ZNF560: variants seen among roughly 807,000 people sequenced by gnomAD.
ZNF560 encodes the protein zinc finger protein 560.
A neutral mutation model predicts 81.8 loss-of-function variants in ZNF560; 54 were observed. The observed-to-expected ratio is 0.66, with a 90% CI of 0.53 to 0.83. The LOEUF is 0.83. Ranked by LOEUF, ZNF560 falls within the 40% of genes least tolerant of loss-of-function variation. The pLI is 0.00. For missense variants in ZNF560, 940 were observed against 932.4 expected, an observed-to-expected ratio of 1.01 and a Z score of -0.11; for synonymous variants, 321 against 317.9, an observed-to-expected ratio of 1.01 and a Z score of -0.10.
chr19:9,456,763 C>A, the ZNF560 span, among the ~76,000 whole-genome samples: 23 of 152,184 alleles, frequency 1.5e-4, no homozygotes, highest in African/African-American at 5.6e-4. Context: ...GACTATTCAA[C>A]CAATTATAAC....
intron 2 of ZNF560, among the ~76,000 whole-genome samples, chr19:9,487,855 T>C (rs1268915909): frequency 6.6e-6 from 1 of 152,156 alleles, no homozygotes; most frequent in African/African-American, 2.4e-5. Context: ...ATATGAATTT[T>C]TTAAAATGTA....
intron 5 of ZNF560, among the ~76,000 whole-genome samples, chr19:9,471,830 G>C (rs573564537): frequency 2.0e-5 from 3 of 152,246 alleles, no homozygotes; most frequent in African/African-American, 7.2e-5. Context: ...CCCTCAGAGG[G>C]CTGGGTGTGG....
chr19:9,486,329 C>T (rs2073384297), intron 2 of ZNF560, among the ~76,000 whole-genome samples: 1 of 152,222 alleles, frequency 6.6e-6, no homozygotes, highest in African/African-American at 2.4e-5. Context: ...CACAGCAATA[C>T]ACATAAACTC....
In ZNF560 at chr19:9,467,713, C is replaced by G; in HGVS notation, c.1234G>C (p.Ala412Pro). The change falls in exon 10 of 10, where the codon GCC (alanine) becomes CCC (proline). Residue 412 changes from alanine (A) to proline (P), a missense_variant. Coordinates refer to ENST00000301480, the MANE Select transcript of ZNF560 (RefSeq NM_152476.3). ...ATAAGGCCTGCAGATGTACCAAAGG[C>G]TTTACCACATTCCTTACACCCATAG... ...KPYGCKECGK[A>P]FGTSAGLIEH... The G allele has an allele frequency of 6.2e-7, 1 of 1,613,990 alleles. No individual in the cohort carries two copies.
chr19:9,455,649 A>T, the ZNF560 span, among the ~76,000 whole-genome samples: 7,351 of 152,270 alleles, frequency 0.048, 614 homozygotes, highest in African/African-American at 0.17. Flanking sequence ...GGAGTCTCTT[A>T]AAAAGGTGAT....
At chr19:9,505,562 A>G in the ZNF560 span, among the ~76,000 whole-genome samples, 1 of 152,220 alleles carries the variant, frequency 6.6e-6, no homozygotes, top group Non-Finnish European at 1.5e-5. Flanking sequence ...CCATTTTGCT[A>G]TATGTGTTCT....
chr19:9,463,581 G>A (rs1271560816), downstream of ZNF560, among the ~76,000 whole-genome samples: 2 of 152,120 alleles, frequency 1.3e-5, no homozygotes, highest in Non-Finnish European at 2.9e-5. Context: ...AACAAAGATG[G>A]GTTAAAATAA....
chr19:9,497,171 C>T (rs1352477573), intron 2 of ZNF560, among the ~76,000 whole-genome samples: 1 of 151,554 alleles, frequency 6.6e-6, no homozygotes, highest in Non-Finnish European at 1.5e-5. Context: ...AAAAACATTC[C>T]GTTATATTTT....
At chr19:9,468,605 A>G (rs2144686907) in intron 9 of ZNF560, among the ~76,000 whole-genome samples, 1 of 152,324 alleles carries the variant, frequency 6.6e-6, no homozygotes, top group East Asian at 1.9e-4. Flanking sequence ...ATGAACATTC[A>G]TGGGAAGTCT....
At chr19:9,483,855 G>C (rs963115228) in intron 2 of ZNF560, among the ~76,000 whole-genome samples, 1 of 151,846 alleles carries the variant, frequency 6.6e-6, no homozygotes, top group African/African-American at 2.4e-5. Context: ...ATAGAAAAGG[G>C]GGAAATGTGG....
At chr19:9,475,762 A>G (rs900368845) in intron 2 of ZNF560, among the ~76,000 whole-genome samples, 5 of 151,874 alleles carry the variant, frequency 3.3e-5, no homozygotes, top group African/African-American at 1.2e-4. Context: ...ACCTGCCACC[A>G]CGCCCGGCTA....
the ZNF560 span, among the ~76,000 whole-genome samples, chr19:9,458,017 C>T: frequency 5.9e-5 from 9 of 152,206 alleles, no homozygotes; most frequent in Admixed American, 3.3e-4. Context: ...TGTTCAAGAG[C>T]GAGATCTTGT....
chr19:9,490,665 A>C (rs73020154), intron 2 of ZNF560, among the ~76,000 whole-genome samples: 15,038 of 152,280 alleles, frequency 0.099, 888 homozygotes, highest in South Asian at 0.2. Flanking sequence ...GTTCTGTTCC[A>C]ATTATAATTT....
chr19:9,467,638 A>C lies in ZNF560; in HGVS notation c.1309T>G (p.Cys437Gly). 6.2e-7 allele frequency: 1 copy of C among 1,614,160 alleles called. No individual in the cohort carries two copies. Among genetic ancestry groups the C allele is most frequent in the Non-Finnish European group, 8.5e-7 (1 of 1,180,024 alleles). Residue 437 changes from cysteine (C) to glycine (G), a missense_variant, in exon 10 of 10, where the codon TGT becomes GGT. By Grantham distance (159) the Cys-to-Gly change is radical (BLOSUM62 -3). Transcript: ENST00000301480. ...AREKTFKCDH[C>G]GKAFISYPSL... Reference sequence around the variant, plus strand: ...GGGTAAGAAATAAAGGCTTTCCCACAGTGGTCACATTTAAAGGTTTTCTCT... The same window carrying C: ...GGGTAAGAAATAAAGGCTTTCCCACCGTGGTCACATTTAAAGGTTTTCTCT...
At position 9,489,916 on chromosome 19, in the gene ZNF560, G is replaced by A. The variant is rs1402899701; in HGVS notation, c.-57+8212C>T. Among the ~76,000 whole-genome samples the A allele has an allele frequency of 3.3e-5, 5 of 152,180 alleles. No individual in the cohort carries two copies. The South Asian group carries it at 8.3e-4, about 25-fold the overall frequency. On this transcript the variant is annotated intron_variant, in intron 2 of 9. Coordinates refer to ENST00000301480, the MANE Select transcript of ZNF560 (RefSeq NM_152476.3). ...GTCTCTTGTATTTCTTTATAGCAATGTGAGAATAGCCTAATACAGGTACTT... is the reference window on the plus strand; with the variant it reads ...GTCTCTTGTATTTCTTTATAGCAATATGAGAATAGCCTAATACAGGTACTT...
At chr19:9,489,572 G>C (rs569132041) in intron 2 of ZNF560, among the ~76,000 whole-genome samples, 1 of 152,172 alleles carries the variant, frequency 6.6e-6, no homozygotes. Context: ...TTGGGTGGCC[G>C]GGAACTTCTT....
chr19:9,474,068 A>C (rs2073162217), intron 4 of ZNF560, 131 bp downstream of exon 4: 2 of 1,012,656 alleles, frequency 2.0e-6, no homozygotes, highest in Non-Finnish European at 3.1e-6. Context: ...CGACCACAGT[A>C]ATTAAGACCT....
chr19:9,483,709 G>A (rs2073339180), intron 2 of ZNF560, among the ~76,000 whole-genome samples: 2 of 151,116 alleles, frequency 1.3e-5, no homozygotes, highest in African/African-American at 2.4e-5. Context: ...GCCCCGTCTG[G>A]GAGGTGGGGG....
chr19:9,448,011 A>C, the ZNF560 span, among the ~76,000 whole-genome samples: 1 of 152,056 alleles, frequency 6.6e-6, no homozygotes, highest in Non-Finnish European at 1.5e-5. Flanking sequence ...CTAATAGCAG[A>C]CTCCTCAGGA....
Sources: allele counts gnomAD v4.1 joint callset (sites outside exome capture counted in the v4.1 genomes callset), GRCh38; gene constraint gnomAD v4.1.1; transcripts MANE v1.5; gene names NCBI Gene and HGNC (gene_info 2026-07-23, HGNC 2026-07-21).